Variants in SBF2 observed in about 807,000 individuals in gnomAD.
The protein encoded by SBF2 is SET binding factor 2.
SBF2 carries 112 observed loss-of-function variants against 225.2 expected under a neutral mutation model. The ratio of observed to expected loss-of-function variants is 0.50; its 90% confidence interval spans 0.43 to 0.58. SBF2 has a LOEUF of 0.58. SBF2 is among the 20% of genes least tolerant of loss of function. The probability of loss-of-function intolerance (pLI) is 0.00; values close to 1 mark genes in which losing one functional copy is unlikely to be tolerated. For synonymous variants in SBF2, 763 were observed against 773.3 expected, an observed-to-expected ratio of 0.99 and a Z score of 0.22; for missense variants, 1,996 against 2,206.2, an observed-to-expected ratio of 0.90 and a Z score of 1.91.
At chr11:10,285,268 C>T (rs1328994703) in intron 1 of SBF2, among the ~76,000 whole-genome samples, 4 of 151,378 alleles carry the variant, frequency 2.6e-5, no homozygotes, top group South Asian at 2.1e-4. Context: ...TGTGATTGTG[C>T]GACTGCCTTC....
chr11:9,897,604 T>G (rs983947883), intron 16 of SBF2, among the ~76,000 whole-genome samples: 2 of 152,174 alleles, frequency 1.3e-5, no homozygotes, highest in African/African-American at 4.8e-5. Context: ...GTGCCCACAA[T>G]GGCTGCAAAA....
chr11:10,053,113 G>A (rs1333039700), intron 2 of SBF2, among the ~76,000 whole-genome samples: 4 of 151,828 alleles, frequency 2.6e-5, no homozygotes, highest in Non-Finnish European at 4.4e-5. Flanking sequence ...ATTTTCCCAT[G>A]TATTTATATA....
chr11:9,926,249 G>A (rs1381677591), intron 16 of SBF2, among the ~76,000 whole-genome samples: 1 of 152,094 alleles, frequency 6.6e-6, no homozygotes, highest in East Asian at 1.9e-4. Flanking sequence ...TTTTCCTGTA[G>A]CTGTTAGAAA....
intron 1 of SBF2, among the ~76,000 whole-genome samples, chr11:10,212,882 C>T (rs577117537): frequency 6.6e-6 from 1 of 152,264 alleles, no homozygotes; most frequent in African/African-American, 2.4e-5. Flanking sequence ...AACCCCGTCT[C>T]TACTAAAAAT....
intron 2 of SBF2, among the ~76,000 whole-genome samples, chr11:10,080,248 C>CAAAAAAA (rs34181436): frequency 1.2e-5 from 1 of 82,226 alleles, no homozygotes. Flanking sequence ...AACTCTGTCT[C>CAAAAAAA]AAAAAAAAAA....
At chr11:9,925,428 C>T (rs556502814) in intron 16 of SBF2, among the ~76,000 whole-genome samples, 1 of 152,328 alleles carries the variant, frequency 6.6e-6, no homozygotes, top group East Asian at 1.9e-4. Context: ...CAGGCATGCG[C>T]CACCACGCCC....
chr11:9,942,426 T>C (rs1408888567), intron 16 of SBF2, among the ~76,000 whole-genome samples: 1 of 152,160 alleles, frequency 6.6e-6, no homozygotes, highest in African/African-American at 2.4e-5. Flanking sequence ...ACTTGCAAAA[T>C]GTCAATTCTT....
chr11:10,094,528 A>ATTTTTTTTTTTTTTTTTTTTTT (rs60485793), intron 2 of SBF2, among the ~76,000 whole-genome samples: 4 of 107,300 alleles, frequency 3.7e-5, no homozygotes, highest in Non-Finnish European at 7.5e-5. Flanking sequence ...ATACACACAG[A>ATTTTTTTTTTTTTTTTTTTTTT]TTTTTTTTTT....
intron 2 of SBF2, among the ~76,000 whole-genome samples, chr11:10,126,760 T>C (rs577881193): frequency 5.3e-5 from 8 of 152,188 alleles, no homozygotes; most frequent in Admixed American, 2.0e-4. Flanking sequence ...CTAGTCACAA[T>C]AGCCAAAAAG....
At chr11:10,171,277 T>C (rs1956175993) in intron 2 of SBF2, among the ~76,000 whole-genome samples, 1 of 152,214 alleles carries the variant, frequency 6.6e-6, no homozygotes, top group Non-Finnish European at 1.5e-5. Flanking sequence ...GCTGTGAATC[T>C]GTTGTATATA....
At chr11:10,150,019 C>G (rs1289025642) in intron 2 of SBF2, among the ~76,000 whole-genome samples, 1 of 152,062 alleles carries the variant, frequency 6.6e-6, no homozygotes, top group African/African-American at 2.4e-5. Context: ...CATGGCCCCA[C>G]CTAATACAAG....
At chr11:10,238,040 T>G (rs923475179) in intron 1 of SBF2, among the ~76,000 whole-genome samples, 1 of 152,190 alleles carries the variant, frequency 6.6e-6, no homozygotes, top group Non-Finnish European at 1.5e-5. Context: ...ATGAATATTT[T>G]GAAGCCTGTT....
intron 2 of SBF2, among the ~76,000 whole-genome samples, chr11:10,152,577 G>GA (rs974745197): frequency 6.6e-6 from 1 of 151,542 alleles, no homozygotes; most frequent in African/African-American, 2.4e-5. Context: ...GAAAAGAAAA[G>GA]AAAGTACCCC....
At chr11:10,256,031 T>C (rs1037372911) in intron 1 of SBF2, among the ~76,000 whole-genome samples, 3 of 152,242 alleles carry the variant, frequency 2.0e-5, no homozygotes, top group African/African-American at 7.2e-5. Context: ...TTACACGAGA[T>C]GGGCTCTTTC....
chr11:10,212,311 A>G (rs1957969145), intron 1 of SBF2, among the ~76,000 whole-genome samples: 1 of 152,218 alleles, frequency 6.6e-6, no homozygotes, highest in African/African-American at 2.4e-5. Context: ...GCCTCATGGA[A>G]CACAACGGTG....
intron 2 of SBF2, among the ~76,000 whole-genome samples, chr11:10,193,407 C>T (rs924556220): frequency 4.4e-5 from 6 of 137,806 alleles, no homozygotes; most frequent in Admixed American, 1.6e-4. Context: ...CAGGCTAGAG[C>T]GCAGTGGCAC....
intron 28 of SBF2, among the ~76,000 whole-genome samples, chr11:9,820,132 A>C (rs1854668615): frequency 1.3e-5 from 2 of 152,380 alleles, no homozygotes; most frequent in East Asian, 1.9e-4. Flanking sequence ...CTTTCCAAGC[A>C]AACAAATTGC....
intron 13 of SBF2, among the ~76,000 whole-genome samples, chr11:9,980,050 G>A (rs899983366): frequency 6.7e-6 from 1 of 149,904 alleles, no homozygotes; most frequent in Non-Finnish European, 1.5e-5. Context: ...GTGTGATCTC[G>A]GCTCACTGCA....
chr11:10,210,245 C>T (rs1957888219), intron 1 of SBF2, among the ~76,000 whole-genome samples: 1 of 151,886 alleles, frequency 6.6e-6, no homozygotes, highest in Non-Finnish European at 1.5e-5. Flanking sequence ...AAGGTCAAGG[C>T]TGCAGTGAGC....
Sources: allele counts gnomAD v4.1 joint callset (sites outside exome capture counted in the v4.1 genomes callset), GRCh38; gene constraint gnomAD v4.1.1; transcripts MANE v1.5; gene names NCBI Gene and HGNC (gene_info 2026-07-23, HGNC 2026-07-21).